The following GPM6A variants were observed in gnomAD, a reference collection of about 807,000 sequenced individuals.
The protein encoded by GPM6A is neuronal membrane glycoprotein M6-a.
GPM6A carries 7 observed loss-of-function variants against 32.1 expected under a neutral mutation model. The ratio of observed to expected loss-of-function variants is 0.22; its 90% confidence interval spans 0.12 to 0.41. The LOEUF (loss-of-function observed/expected upper bound fraction) is 0.41. Among genes scored for constraint, GPM6A ranks in the 10% least tolerant of loss-of-function variants. The probability of loss-of-function intolerance (pLI) is 1.00; values close to 1 mark genes in which losing one functional copy is unlikely to be tolerated. For synonymous variants in GPM6A, 130 were observed against 123.4 expected (o/e 1.05, Z -0.35); for missense variants, 235 against 347.2 (o/e 0.68, Z 2.57).
At chr4:175,909,225 C>T (rs1738237634) in intron 1 of GPM6A, among the ~76,000 whole-genome samples, 1 of 151,216 alleles carries the variant, frequency 6.6e-6, no homozygotes, top group African/African-American at 2.4e-5. Flanking sequence ...AAAAGAGGCG[C>T]CTTGACTGAA....
At chr4:175,891,699 G>A (rs1230943857) in intron 1 of GPM6A, 1 of 152,320 alleles carries the variant, frequency 6.6e-6, no homozygotes, top group Non-Finnish European at 1.5e-5. Flanking sequence ...AGCTGTAAGA[G>A]AGAAAAGAAG....
chr4:175,990,503 A>G (rs1741104838), intron 1 of GPM6A, among the ~76,000 whole-genome samples: 1 of 152,128 alleles, frequency 6.6e-6, no homozygotes, highest in African/African-American at 2.4e-5. Context: ...AATTATACTT[A>G]CCCTGCATCC....
At chr4:175,796,494 C>G (rs559865770) in intron 1 of GPM6A, among the ~76,000 whole-genome samples, 1 of 152,120 alleles carries the variant, frequency 6.6e-6, no homozygotes, top group Non-Finnish European at 1.5e-5. Flanking sequence ...AGTTAAGTCA[C>G]CTGCCTAAAA....
At chr4:175,694,215 C>G (rs1176795973) in intron 2 of GPM6A, among the ~76,000 whole-genome samples, 1 of 152,108 alleles carries the variant, frequency 6.6e-6, no homozygotes, top group Non-Finnish European at 1.5e-5. Flanking sequence ...AAACTGGTAC[C>G]AAAGAGTGGG....
intron 1 of GPM6A, among the ~76,000 whole-genome samples, chr4:175,852,380 C>G (rs1736286302): frequency 6.6e-6 from 1 of 151,598 alleles, no homozygotes; most frequent in South Asian, 2.1e-4. Flanking sequence ...AAATGAATCG[C>G]CAGAGACCAA....
chr4:175,995,422 T>C (rs891528780), intron 1 of GPM6A, among the ~76,000 whole-genome samples: 1 of 120,390 alleles, frequency 8.3e-6, no homozygotes, highest in African/African-American at 3.1e-5. Context: ...CGAAGCACAA[T>C]ACAGTGAAGT....
intron 1 of GPM6A, among the ~76,000 whole-genome samples, chr4:175,746,970 AT>A (rs1732128845): frequency 6.6e-6 from 1 of 152,120 alleles, no homozygotes; most frequent in South Asian, 2.1e-4. Flanking sequence ...ACTCAAATAC[AT>A]TTTTAAAGAA....
Position 175,635,144 on chromosome 4 carries a change from T to C in GPM6A, c.685-87A>G, listed in dbSNP as rs1056971896. On this transcript the variant is annotated intron_variant, in intron 6 of 6. Transcript: ENST00000393658. ...TATCTCGAAAGAAGTCTTCGAATTA[T>C]AGCTCTTTATAGGAAATGTTCACAT... 23 of 908,526 alleles carry C rather than the reference T, an allele frequency of 2.5e-5. No homozygotes were observed. In the Admixed American group the frequency reaches 4.6e-4, roughly 18 times the overall value. The allele number at this position is 908,526 out of a possible 1,614,324, so 56.3% of individuals were successfully genotyped here.
At chr4:175,919,204 T>C (rs1738590655) in intron 1 of GPM6A, among the ~76,000 whole-genome samples, 1 of 152,118 alleles carries the variant, frequency 6.6e-6, no homozygotes, top group Non-Finnish European at 1.5e-5. Flanking sequence ...TTTTTTCCCC[T>C]TCTCATGACT....
intron 1 of GPM6A, among the ~76,000 whole-genome samples, chr4:175,777,244 A>G (rs533496446): frequency 5.9e-5 from 9 of 152,130 alleles, no homozygotes; most frequent in Non-Finnish European, 1.3e-4. Flanking sequence ...AGGTCCTGAC[A>G]TATTAACTAG....
At chr4:175,661,234 T>C (rs374314158) in intron 3 of GPM6A, among the ~76,000 whole-genome samples, 14 of 152,026 alleles carry the variant, frequency 9.2e-5, no homozygotes, top group African/African-American at 3.4e-4. Context: ...TTGACGGGCA[T>C]TTAATTTCAG....
At position 175,711,574 on chromosome 4, in the gene GPM6A, C is replaced by T. The variant is rs1440612950; in HGVS notation, c.38-9807G>A. 2.0e-5 allele frequency among the ~76,000 whole-genome samples: 3 copies of T among 148,696 alleles called. No homozygotes were observed. The East Asian group carries it at 5.9e-4, about 29-fold the overall frequency. The stretch of plus-strand genomic sequence containing the variant: ...ATTTAGAATATTACAAAATATATTG[C>T]ATTCTAAACAAAATGGATGTATTTC... On this transcript the variant is annotated intron_variant, in intron 1 of 6. Coordinates refer to ENST00000393658, the MANE Select transcript of GPM6A (RefSeq NM_201591.3).
chr4:175,701,678 A>G lies in GPM6A; in HGVS notation c.127T>C (p.Phe43Leu). The G allele has an allele frequency of 6.2e-7, 1 of 1,614,082 alleles. No homozygotes were observed. The highest frequency in any genetic ancestry group is 8.5e-7 in the Non-Finnish European group (1 of 1,179,930). Residue 43 changes from phenylalanine to leucine, a missense_variant, in exon 2 of 7, where the codon TTC becomes CTC. Phe to Leu is a conservative substitution (Grantham distance 22). This residue lies in a region of GPM6A where 101 missense variants were observed against 171.2 expected (regional missense o/e 0.59). Transcript: ENST00000393658. ...TILLYAGVAL[F>L]CGCGHEALSG... The stretch of plus-strand genomic sequence containing the variant: ...AGCGCTTCATGACCGCAGCCACAGA[A>G]CAGGGCAACACCCGCATAGAGCAGG...
chr4:175,914,162 G>GT (rs573349259), intron 1 of GPM6A, among the ~76,000 whole-genome samples: 127 of 116,466 alleles, frequency 1.1e-3, no homozygotes, highest in East Asian at 6.0e-3. Context: ...AAAAATGTGT[G>GT]GGGGGGGTAG....
chr4:175,756,955 T>C (rs1434742216), intron 1 of GPM6A, among the ~76,000 whole-genome samples: 6 of 152,142 alleles, frequency 3.9e-5, no homozygotes, highest in Admixed American at 3.9e-4. Context: ...AAGGCAAATA[T>C]GGGGCAATGG....
intron 1 of GPM6A, among the ~76,000 whole-genome samples, chr4:175,734,357 A>T (rs1731565156): frequency 6.6e-6 from 1 of 152,038 alleles, no homozygotes; most frequent in Non-Finnish European, 1.5e-5. Flanking sequence ...AAAAACACTC[A>T]GTGGATCTCT....
chr4:175,810,281 C>T (rs1173854160), intron 1 of GPM6A, among the ~76,000 whole-genome samples: 4 of 152,084 alleles, frequency 2.6e-5, no homozygotes, highest in Non-Finnish European at 4.4e-5. Context: ...TTGAGAGGAA[C>T]AGAAGATCAA....
chr4:175,882,285 T>G (rs1245102114), intron 1 of GPM6A, among the ~76,000 whole-genome samples: 2 of 152,078 alleles, frequency 1.3e-5, no homozygotes, highest in Non-Finnish European at 2.9e-5. Context: ...ATGTACTTAT[T>G]AAAATATTTA....
chr4:175,657,268 A>G (rs908681964), intron 3 of GPM6A, among the ~76,000 whole-genome samples: 3 of 152,220 alleles, frequency 2.0e-5, no homozygotes, highest in African/African-American at 4.8e-5. Context: ...GATTTTAAAC[A>G]AAGCTTCAAT....
Sources: allele counts gnomAD v4.1 joint callset (sites outside exome capture counted in the v4.1 genomes callset), GRCh38; gene constraint gnomAD v4.1.1; regional missense constraint gnomAD v4.1.1; transcripts MANE v1.5; gene names NCBI Gene and HGNC (gene_info 2026-07-23, HGNC 2026-07-21).